Variants in CHSY3 observed in about 807,000 individuals in gnomAD.
The protein encoded by CHSY3 is chondroitin sulfate synthase 3, also known as N-acetylgalactosaminyl-proteoglycan 3-beta-glucuronosyltransferase 3.
Under a neutral mutation model 67.2 loss-of-function variants are expected in CHSY3, and 35 were observed. The ratio of observed to expected loss-of-function variants is 0.52; its 90% CI spans 0.40 to 0.69. The LOEUF is 0.69. Ranked by LOEUF, CHSY3 falls within the 30% of genes least tolerant of loss-of-function variation. CHSY3 has a pLI of 0.00. For missense variants in CHSY3, 1,069 were observed against 1,138.5 expected (o/e 0.94, Z 0.88); for synonymous variants, 474 against 434.7 (o/e 1.09, Z -1.12).
chr5:130,173,047 G>T (rs1662454998), intron 2 of CHSY3, among the ~76,000 whole-genome samples: 1 of 151,978 alleles, frequency 6.6e-6, no homozygotes, highest in Non-Finnish European at 1.5e-5. Flanking sequence ...AACAAACATG[G>T]AGAAATTTGA....
intron 2 of CHSY3, among the ~76,000 whole-genome samples, chr5:130,062,044 G>C (rs1019679966): frequency 1.3e-5 from 2 of 151,926 alleles, no homozygotes; most frequent in African/African-American, 4.8e-5. Context: ...GCCACTACTG[G>C]GTATCTACCC....
intron 2 of CHSY3, among the ~76,000 whole-genome samples, chr5:129,949,615 G>T (rs902493853): frequency 1.3e-5 from 2 of 152,044 alleles, no homozygotes; most frequent in African/African-American, 4.8e-5. Context: ...ATTTTGTGAG[G>T]CCATCATTAT....
intron 2 of CHSY3, among the ~76,000 whole-genome samples, chr5:130,180,360 T>A (rs555751109): frequency 1.3e-5 from 2 of 152,310 alleles, no homozygotes; most frequent in Non-Finnish European, 2.9e-5. Context: ...CTCATCAGTG[T>A]ATAATTTACA....
At chr5:129,989,791 A>G (rs1763307924) in intron 2 of CHSY3, among the ~76,000 whole-genome samples, 1 of 152,190 alleles carries the variant, frequency 6.6e-6, no homozygotes, top group Admixed American at 6.5e-5. Context: ...TCATAGTATT[A>G]ATATTACTTT....
intron 2 of CHSY3, among the ~76,000 whole-genome samples, chr5:129,922,166 C>T (rs190537219): frequency 8.5e-5 from 13 of 152,312 alleles, no homozygotes; most frequent in Admixed American, 4.6e-4. Flanking sequence ...GACGGGATTT[C>T]ATTCTTGTTT....
chr5:130,043,736 T>C (rs1765067891), intron 2 of CHSY3, among the ~76,000 whole-genome samples: 1 of 140,572 alleles, frequency 7.1e-6, no homozygotes, highest in Non-Finnish European at 1.6e-5. Context: ...TAAGAAATCA[T>C]TGGAAAAACA....
chr5:129,935,663 T>C (rs1252725323), intron 2 of CHSY3, among the ~76,000 whole-genome samples: 1 of 152,208 alleles, frequency 6.6e-6, no homozygotes, highest in Non-Finnish European at 1.5e-5. Context: ...GAGATGTGGC[T>C]ACTCTTTGAT....
intron 2 of CHSY3, among the ~76,000 whole-genome samples, chr5:130,168,545 T>TA (rs553373970): frequency 1.7e-4 from 26 of 152,092 alleles, no homozygotes; most frequent in Non-Finnish European, 2.9e-4. Context: ...AGTCTTAAGT[T>TA]ACGTTTTATT....
intron 2 of CHSY3, among the ~76,000 whole-genome samples, chr5:130,162,771 AGG>A (rs1769595679): frequency 6.6e-6 from 1 of 152,164 alleles, no homozygotes; most frequent in East Asian, 1.9e-4. Flanking sequence ...CAGAACTGTG[AGG>A]AAGGACACCC....
intron 2 of CHSY3, among the ~76,000 whole-genome samples, chr5:130,143,820 A>ATATATATG: frequency 8.1e-6 from 1 of 124,154 alleles, no homozygotes; most frequent in African/African-American, 3.0e-5. Context: ...GTATATATAT[A>ATATATATG]TATATATATA....
At chr5:130,106,288 A>C (rs1050714367) in intron 2 of CHSY3, among the ~76,000 whole-genome samples, 5 of 151,656 alleles carry the variant, frequency 3.3e-5, no homozygotes, top group Non-Finnish European at 7.4e-5. Flanking sequence ...TTGTTAATTC[A>C]TATAATTTTG....
At chr5:130,172,656 A>G (rs766224505) in intron 2 of CHSY3, among the ~76,000 whole-genome samples, 20 of 152,150 alleles carry the variant, frequency 1.3e-4, no homozygotes, top group Non-Finnish European at 2.9e-4. Flanking sequence ...GAAGTGTACA[A>G]TTCAGTAGTA....
At chr5:129,953,930 G>C (rs1394417632) in intron 2 of CHSY3, among the ~76,000 whole-genome samples, 1 of 152,066 alleles carries the variant, frequency 6.6e-6, no homozygotes, top group African/African-American at 2.4e-5. Flanking sequence ...TCTGTAGGTT[G>C]CCTGTTCACT....
At chr5:129,955,673 G>C (rs1344576305) in intron 2 of CHSY3, among the ~76,000 whole-genome samples, 1 of 151,950 alleles carries the variant, frequency 6.6e-6, no homozygotes, top group African/African-American at 2.4e-5. Context: ...TATTTTTCCT[G>C]TTCCTCTCCC....
At chr5:130,110,204 C>T (rs2149703315) in intron 2 of CHSY3, among the ~76,000 whole-genome samples, 1 of 151,920 alleles carries the variant, frequency 6.6e-6, no homozygotes, top group African/African-American at 2.4e-5. Context: ...TTGGCTTCTA[C>T]TGAACATGGG....
At chr5:130,006,551 T>G (rs1215603303) in intron 2 of CHSY3, among the ~76,000 whole-genome samples, 1 of 152,162 alleles carries the variant, frequency 6.6e-6, no homozygotes, top group Non-Finnish European at 1.5e-5. Context: ...TCAGAATATA[T>G]AAACTATTAA....
chr5:130,103,530 T>G (rs1276018140), intron 2 of CHSY3, among the ~76,000 whole-genome samples: 1 of 151,990 alleles, frequency 6.6e-6, no homozygotes, highest in East Asian at 1.9e-4. Context: ...TTTCATCTTT[T>G]TGCTGAGCAT....
chr5:129,904,531 A>C lies in CHSY3; in HGVS notation c.-299A>C. The C allele has an allele frequency of 3.3e-6, 1 of 306,300 alleles. No homozygotes were observed. Among genetic ancestry groups the C allele is most frequent in the Non-Finnish European group, 5.8e-6 (1 of 173,684 alleles). 19.0% of individuals were successfully genotyped at this position (306,300 alleles called of 1,614,324 possible). A position where few individuals can be genotyped will look rare whatever the true frequency, so the allele number is the denominator to read the frequency against. ...CCGCTGCTCCTCCTCCTCCTCCTGC[A>C]GCTCCTCCAGCTGCCGCTGCTGCCG... On this transcript the variant is annotated 5_prime_UTR_variant, in exon 1 of 3. Transcript: ENST00000305031.
At chr5:130,105,623 A>C (rs1767390077) in intron 2 of CHSY3, among the ~76,000 whole-genome samples, 1 of 151,746 alleles carries the variant, frequency 6.6e-6, no homozygotes, top group Non-Finnish European at 1.5e-5. Context: ...GTGGCTACTA[A>C]CTAGATATTG....
Sources: gnomAD v4.1 joint callset for allele counts (sites outside exome capture counted in the v4.1 genomes callset) on GRCh38, gnomAD v4.1.1 for gene constraint, MANE v1.5 for transcripts, NCBI Gene and HGNC (gene_info 2026-07-23, HGNC 2026-07-21) for gene names.